The following TUSC3 variants were observed in gnomAD, a reference collection of about 807,000 sequenced individuals.
TUSC3 encodes dolichyl-diphosphooligosaccharide--protein glycosyltransferase subunit TUSC3.
Under a neutral mutation model 44.8 loss-of-function variants are expected in TUSC3, and 45 were observed. That is an observed-to-expected ratio of 1.00 (90% CI 0.79 to 1.29). The LOEUF (loss-of-function observed/expected upper bound fraction) is 1.29, where lower values mean the gene tolerates loss of function less well. Ranked by LOEUF, TUSC3 falls within the 50% of genes most tolerant of loss-of-function variation. The pLI is 0.00. For missense variants in TUSC3, 519 were observed against 437.9 expected (o/e 1.19, Z -1.65); for synonymous variants, 212 against 152.9 (o/e 1.39, Z -2.85).
At chr8:15,778,267 G>A in the TUSC3 span, among the ~76,000 whole-genome samples, 34 of 152,126 alleles carry the variant, frequency 2.2e-4, no homozygotes, top group East Asian at 3.7e-3. Flanking sequence ...TCATACTAAC[G>A]TAATCTGACT....
intron 1 of TUSC3, among the ~76,000 whole-genome samples, chr8:15,422,859 T>C (rs899132083): frequency 6.6e-6 from 1 of 152,072 alleles, no homozygotes. Context: ...TACAGGCTGG[T>C]CACAAACTCC....
intron 8 of TUSC3, among the ~76,000 whole-genome samples, chr8:15,747,599 T>C (rs888674402): frequency 1.8e-4 from 28 of 152,104 alleles, no homozygotes; most frequent in African/African-American, 6.5e-4. Flanking sequence ...CATATTTTAT[T>C]ATGCATCTGC....
At chr8:15,447,395 A>T (rs1278163493) in intron 1 of TUSC3, among the ~76,000 whole-genome samples, 1 of 152,168 alleles carries the variant, frequency 6.6e-6, no homozygotes, top group Non-Finnish European at 1.5e-5. Flanking sequence ...AATGAGGAAG[A>T]TGTGACATTA....
intron 6 of TUSC3, among the ~76,000 whole-genome samples, chr8:15,691,632 G>T (rs1018106477): frequency 6.6e-6 from 1 of 152,134 alleles, no homozygotes; most frequent in African/African-American, 2.4e-5. Flanking sequence ...TCACTATGAT[G>T]TTGGCAGTGG....
chr8:15,614,935 CAA>C (rs3070906), intron 1 of TUSC3, among the ~76,000 whole-genome samples: 47,896 of 133,168 alleles, frequency 0.36, 8,094 homozygotes, highest in East Asian at 0.43. Flanking sequence ...TTAAAAAGAC[CAA>C]AAAAAAAAAA....
intron 1 of TUSC3, among the ~76,000 whole-genome samples, chr8:15,611,646 T>TA (rs1258870937): frequency 1.3e-5 from 2 of 152,168 alleles, no homozygotes; most frequent in Non-Finnish European, 2.9e-5. Flanking sequence ...ATATTTCTGA[T>TA]AAAAATGGTG....
intron 1 of TUSC3, among the ~76,000 whole-genome samples, chr8:15,468,574 T>C (rs1182187008): frequency 6.6e-6 from 1 of 152,160 alleles, no homozygotes; most frequent in East Asian, 1.9e-4. Flanking sequence ...TTTTTTACCC[T>C]TAAATTTAGA....
At chr8:15,529,940 G>GGCGCCCACCACC (rs1554510082) in intron 2 of TUSC3, among the ~76,000 whole-genome samples, 1,195 of 8,932 alleles carry the variant, frequency 0.13, 464 homozygotes, top group Middle Eastern at 0.61. Context: ...TGGGACTACA[G>GGCGCCCACCACC]GCGCCCGGCT....
chr8:15,612,592 C>G (rs1387218824), intron 1 of TUSC3, among the ~76,000 whole-genome samples: 3 of 151,890 alleles, frequency 2.0e-5, no homozygotes, highest in Non-Finnish European at 4.4e-5. Flanking sequence ...TAAAGTTAAG[C>G]CTTCATAAAA....
At chr8:15,570,954 G>GTTTTTTTTTTTTTTTTTTTTTGTT (rs549277334) in intron 1 of TUSC3, among the ~76,000 whole-genome samples, 1 of 44,494 alleles carries the variant, frequency 2.2e-5, no homozygotes, top group Non-Finnish European at 5.2e-5. Flanking sequence ...TTGCCTATTA[G>GTTTTTTTTTTTTTTTTTTTTTGTT]TTTTTTTTTT....
intron 6 of TUSC3, among the ~76,000 whole-genome samples, chr8:15,696,456 A>T (rs756493372): frequency 6.6e-6 from 1 of 152,168 alleles, no homozygotes; most frequent in Non-Finnish European, 1.5e-5. Context: ...GCACTCAAGA[A>T]CCTCTGCTAG....
At chr8:15,606,486 G>T (rs1804532348) in intron 1 of TUSC3, among the ~76,000 whole-genome samples, 1 of 151,930 alleles carries the variant, frequency 6.6e-6, no homozygotes, top group Non-Finnish European at 1.5e-5. Flanking sequence ...CCTTCCCATT[G>T]TTCTATATTA....
chr8:15,571,983 C>T (rs1802895806), intron 1 of TUSC3, among the ~76,000 whole-genome samples: 1 of 152,212 alleles, frequency 6.6e-6, no homozygotes, highest in African/African-American at 2.4e-5. Context: ...AGCACAGGCA[C>T]AATAGATTTA....
At chr8:15,724,127 G>T (rs535561161) in intron 6 of TUSC3, among the ~76,000 whole-genome samples, 1 of 152,260 alleles carries the variant, frequency 6.6e-6, no homozygotes, top group East Asian at 1.9e-4. Context: ...ATCTCTGTCT[G>T]CTCACAAAGA....
intron 2 of TUSC3, among the ~76,000 whole-genome samples, chr8:15,496,342 G>A (rs1026063401): frequency 2.0e-5 from 3 of 152,220 alleles, no homozygotes; most frequent in Admixed American, 1.3e-4. Context: ...ATTATTCCAC[G>A]CCTCTAGGGG....
intron 1 of TUSC3, among the ~76,000 whole-genome samples, chr8:15,417,526 G>A (rs1488572531): frequency 1.3e-5 from 2 of 152,178 alleles, no homozygotes; most frequent in African/African-American, 4.8e-5. Context: ...AACCACAGAT[G>A]TCCAGCTAAG....
chr8:15,836,984 C>G, the TUSC3 span, among the ~76,000 whole-genome samples: 2 of 151,544 alleles, frequency 1.3e-5, no homozygotes, highest in South Asian at 2.1e-4. Flanking sequence ...TTAATAATAA[C>G]TAGTTTTTTT....
intron 2 of TUSC3, among the ~76,000 whole-genome samples, chr8:15,526,816 T>G (rs1585076474): frequency 6.6e-6 from 1 of 152,128 alleles, no homozygotes; most frequent in East Asian, 1.9e-4. Flanking sequence ...TCGTTTGAAG[T>G]CTCAGTGTTG....
intron 1 of TUSC3, among the ~76,000 whole-genome samples, chr8:15,564,113 A>G (rs949070116): frequency 2.0e-5 from 3 of 152,138 alleles, no homozygotes; most frequent in Non-Finnish European, 4.4e-5. Flanking sequence ...AAAATTTTTA[A>G]AAAGTGTCTT....
Sources: allele counts gnomAD v4.1 joint callset (sites outside exome capture counted in the v4.1 genomes callset), GRCh38; gene constraint gnomAD v4.1.1; transcripts MANE v1.5; gene names NCBI Gene and HGNC (gene_info 2026-07-23, HGNC 2026-07-21).